The following GCNT1 variants were observed in gnomAD, a reference collection of about 807,000 sequenced individuals.
The protein encoded by GCNT1 is glucosaminyl (N-acetyl) transferase 1.
GCNT1 carries 16 observed loss-of-function variants against 26.2 expected under a neutral mutation model. That is an observed-to-expected ratio of 0.61 (90% CI 0.41 to 0.93). GCNT1 has a LOEUF of 0.93. Among genes scored for constraint, GCNT1 ranks in the 40% least tolerant of loss-of-function variants. The pLI is 0.00. For missense variants in GCNT1, 477 were observed against 526.7 expected, an observed-to-expected ratio of 0.91 and a Z score of 0.92; for synonymous variants, 183 against 190.8, an observed-to-expected ratio of 0.96 and a Z score of 0.34.
intron 2 of GCNT1, among the ~76,000 whole-genome samples, chr9:76,490,066 A>C (rs1238784561): frequency 6.6e-6 from 1 of 152,226 alleles, no homozygotes; most frequent in East Asian, 1.9e-4. Context: ...TGGGACCTAG[A>C]AAGGGGAGAA....
chr9:76,503,223 C>T lies in GCNT1; in HGVS notation c.842C>T (p.Pro281Leu). 1 of 1,614,102 alleles carries T rather than the reference C, an allele frequency of 6.2e-7. No homozygotes were observed. The highest frequency in any genetic ancestry group is 2.2e-5 in the East Asian group (1 of 44,880). ...AAAATGCTTCCTCCACTCGAAACAC[C>T]TCTCTTTTCTGGCAGTGCCTACTTC... ...TVKMLPPLET[P>L]LFSGSAYFVV... Residue 281 changes from proline (P) to leucine (L), a missense_variant, in exon 4 of 4, where the codon CCT becomes CTT. Coordinates refer to ENST00000376730, the MANE Select transcript of GCNT1 (RefSeq NM_001490.5).
At chr9:76,489,139 A>G (rs937109996) in intron 2 of GCNT1, among the ~76,000 whole-genome samples, 4 of 152,200 alleles carry the variant, frequency 2.6e-5, no homozygotes, top group Admixed American at 2.0e-4. Context: ...TTCTTACAGC[A>G]TGGAAGCTGG....
intron 1 of GCNT1, among the ~76,000 whole-genome samples, chr9:76,422,837 G>A (rs111870181): frequency 7.2e-5 from 11 of 152,354 alleles, no homozygotes; most frequent in African/African-American, 4.8e-5. Flanking sequence ...ATAGGCATGA[G>A]TCACTATGCC....
intron 1 of GCNT1, among the ~76,000 whole-genome samples, chr9:76,432,142 G>A (rs1194596169): frequency 6.6e-6 from 1 of 151,972 alleles, no homozygotes; most frequent in Non-Finnish European, 1.5e-5. Flanking sequence ...AAATTCCAAG[G>A]GTTTTAGAAG....
At chr9:76,457,006 A>T (rs1823768185), upstream of GCNT1, among the ~76,000 whole-genome samples, 1 of 152,194 alleles carries the variant, frequency 6.6e-6, no homozygotes, top group Admixed American at 6.6e-5. Context: ...CACTTATGGT[A>T]TACAGGCAGT....
intron 2 of GCNT1, among the ~76,000 whole-genome samples, chr9:76,494,897 C>G (rs967037970): frequency 9.2e-5 from 14 of 152,064 alleles, no homozygotes; most frequent in African/African-American, 2.9e-4. Context: ...CTCTGTCAAC[C>G]CTGGGCTCAG....
At chr9:76,399,700 CT>C in the GCNT1 span, 1 of 636,286 alleles carries the variant, frequency 1.6e-6, no homozygotes, top group South Asian at 1.9e-5. Context: ...ATTTTTACCC[CT>C]ACTCCCACTG....
At chr9:76,431,874 C>T (rs1823342286) in intron 1 of GCNT1, among the ~76,000 whole-genome samples, 4 of 152,214 alleles carry the variant, frequency 2.6e-5, no homozygotes, top group East Asian at 3.9e-4. Context: ...CTTTGCGAGG[C>T]GAGGTGGATG....
upstream of GCNT1, among the ~76,000 whole-genome samples, chr9:76,438,970 T>C (rs911651255): frequency 1.3e-5 from 2 of 152,222 alleles, no homozygotes; most frequent in African/African-American, 4.8e-5. Flanking sequence ...TAAAGAATCT[T>C]AACTTCCCTT....
chr9:76,455,189 C>T (rs149927278), upstream of GCNT1, among the ~76,000 whole-genome samples: 1 of 152,116 alleles, frequency 6.6e-6, no homozygotes, highest in African/African-American at 2.4e-5. Flanking sequence ...TCAGAAATGT[C>T]TTTATAGCAA....
the GCNT1 span, chr9:76,393,951 A>G: frequency 1.7e-4 from 123 of 742,540 alleles, no homozygotes; most frequent in Non-Finnish European, 2.4e-4. Flanking sequence ...GCCACAGACA[A>G]GGGGATGCGG....
intron 2 of GCNT1, among the ~76,000 whole-genome samples, chr9:76,480,945 GA>G (rs201757917): frequency 2.1e-4 from 31 of 148,908 alleles, no homozygotes; most frequent in African/African-American, 6.4e-4. Flanking sequence ...GGATTACTCA[GA>G]AAAAAAAAAT....
At chr9:76,404,056 A>T in the GCNT1 span, among the ~76,000 whole-genome samples, 22 of 152,188 alleles carry the variant, frequency 1.4e-4, no homozygotes, top group Non-Finnish European at 7.3e-5. Flanking sequence ...CTAAGGCAGG[A>T]TTTACTGATA....
At chr9:76,459,459 G>T (rs1296055327) in intron 1 of GCNT1, among the ~76,000 whole-genome samples, 154 bp downstream of exon 1, 1 of 152,206 alleles carries the variant, frequency 6.6e-6, no homozygotes. Context: ...ACCGGGGTGC[G>T]CCCGGGACCG....
chr9:76,482,182 C>T (rs1035091859), intron 2 of GCNT1, among the ~76,000 whole-genome samples: 4 of 152,078 alleles, frequency 2.6e-5, no homozygotes, highest in Non-Finnish European at 2.9e-5. Context: ...CCACCCATGG[C>T]GAATTGCCTC....
chr9:76,441,306 T>C (rs62564441), upstream of GCNT1, among the ~76,000 whole-genome samples: 41,134 of 151,698 alleles, frequency 0.27, 5,918 homozygotes, highest in Non-Finnish European at 0.3. Flanking sequence ...CCACCATGCC[T>C]GGCTAATTTT....
At chr9:76,492,875 C>T (rs1033736899) in intron 2 of GCNT1, among the ~76,000 whole-genome samples, 2 of 152,022 alleles carry the variant, frequency 1.3e-5, no homozygotes, top group African/African-American at 4.8e-5. Context: ...GCCTGTTCCT[C>T]TTGGTCCCTA....
At chr9:76,399,155 C>G in the GCNT1 span, 3 of 1,483,628 alleles carry the variant, frequency 2.0e-6, no homozygotes, top group South Asian at 1.1e-5. Flanking sequence ...CACAGATTCT[C>G]CTATGCGCTA....
At chr9:76,469,378 T>C (rs1824077811) in intron 2 of GCNT1, among the ~76,000 whole-genome samples, 1 of 152,160 alleles carries the variant, frequency 6.6e-6, no homozygotes, top group African/African-American at 2.4e-5. Flanking sequence ...ACTAAAATGC[T>C]AATTAGGCAA....
Sources: gnomAD v4.1 joint callset for allele counts (sites outside exome capture counted in the v4.1 genomes callset) on GRCh38, gnomAD v4.1.1 for gene constraint, MANE v1.5 for transcripts, NCBI Gene and HGNC (gene_info 2026-07-23, HGNC 2026-07-21) for gene names.